The following THSD7B variants were observed in gnomAD, a reference collection of about 807,000 sequenced individuals.
The protein encoded by THSD7B is thrombospondin type 1 domain containing 7B, also known as thrombospondin type-1 domain-containing protein 7B.
Under a neutral mutation model 213.6 loss-of-function variants are expected in THSD7B, and 138 were observed. That is an observed-to-expected ratio of 0.65 (90% confidence interval 0.56 to 0.74). THSD7B has a LOEUF of 0.74. THSD7B is among the 30% of genes least tolerant of loss of function. The probability of loss-of-function intolerance (pLI) is 0.00; values close to 1 mark genes in which losing one functional copy is unlikely to be tolerated. For missense variants in THSD7B, 1,931 were observed against 1,991.5 expected, an observed-to-expected ratio of 0.97 and a Z score of 0.58; for synonymous variants, 742 against 687.0, an observed-to-expected ratio of 1.08 and a Z score of -1.25.
At chr2:137,117,278 T>C (rs1350594871) in intron 5 of THSD7B, among the ~76,000 whole-genome samples, 2 of 152,176 alleles carry the variant, frequency 1.3e-5, no homozygotes, top group African/African-American at 4.8e-5. Context: ...CCTTGACAAA[T>C]CTGGAATGAG....
chr2:136,773,162 C>T (rs1441486605), intron 1 of THSD7B, among the ~76,000 whole-genome samples: 1 of 151,918 alleles, frequency 6.6e-6, no homozygotes, highest in African/African-American at 2.4e-5. Flanking sequence ...TGTCAGGGTG[C>T]TTTGCAAAGA....
At chr2:137,557,791 A>C (rs1681011166) in intron 15 of THSD7B, among the ~76,000 whole-genome samples, 1 of 152,184 alleles carries the variant, frequency 6.6e-6, no homozygotes, top group African/African-American at 2.4e-5. Flanking sequence ...TTTTTTGAAA[A>C]GATCAACAAA....
chr2:137,007,996 AG>A (rs944444190), intron 2 of THSD7B, among the ~76,000 whole-genome samples: 1 of 152,174 alleles, frequency 6.6e-6, no homozygotes, highest in Non-Finnish European at 1.5e-5. Context: ...TAGTTAGTTG[AG>A]GGGGTCAGCT....
intron 10 of THSD7B, among the ~76,000 whole-genome samples, chr2:137,246,276 G>A (rs1282305562): frequency 6.6e-6 from 1 of 152,164 alleles, no homozygotes; most frequent in African/African-American, 2.4e-5. Flanking sequence ...TTGAGAAGCG[G>A]TTATGTCTGT....
At chr2:137,307,068 A>T (rs1415643879) in intron 12 of THSD7B, among the ~76,000 whole-genome samples, 4 of 152,132 alleles carry the variant, frequency 2.6e-5, no homozygotes. Flanking sequence ...GGGTTCATTT[A>T]TATTTGCAGC....
Position 137,486,029 on chromosome 2 carries a change from C to T in THSD7B, c.3138+35006C>T, listed in dbSNP as rs571735271. On this transcript the variant is annotated intron_variant, in intron 15 of 27. Transcript: ENST00000409968. ...ATGGAAAGGAACAACCGGTACCAGCCGCTGCAAAATCATGCCAAATTGTAA... is the reference window on the plus strand; with the variant it reads ...ATGGAAAGGAACAACCGGTACCAGCTGCTGCAAAATCATGCCAAATTGTAA... 9.2e-5 allele frequency among the ~76,000 whole-genome samples: 14 copies of T among 152,234 alleles called. No homozygotes were observed. In the South Asian group the frequency reaches 1.9e-3, roughly 20 times the overall value.
At chr2:137,015,866 C>T (rs1686330021) in intron 2 of THSD7B, among the ~76,000 whole-genome samples, 1 of 152,130 alleles carries the variant, frequency 6.6e-6, no homozygotes, top group Non-Finnish European at 1.5e-5. Flanking sequence ...GAACCGGTGG[C>T]ACACAGAGCT....
intron 15 of THSD7B, among the ~76,000 whole-genome samples, chr2:137,511,059 G>A (rs915617500): frequency 1.3e-5 from 2 of 152,056 alleles, no homozygotes; most frequent in African/African-American, 4.8e-5. Flanking sequence ...TATGAGAGTT[G>A]GAATGCTTAA....
chr2:136,767,456 A>AGTGTGTGT (rs6146926), intron 1 of THSD7B, among the ~76,000 whole-genome samples: 3,564 of 146,674 alleles, frequency 0.024, 98 homozygotes, highest in African/African-American at 0.069. Context: ...ATCCCTGGGA[A>AGTGTGTGT]GTGTGTGTGT....
intron 15 of THSD7B, among the ~76,000 whole-genome samples, chr2:137,489,482 C>T (rs1371643144): frequency 2.6e-5 from 4 of 151,108 alleles, no homozygotes; most frequent in East Asian, 1.9e-4. Flanking sequence ...CAAGTAGAAT[C>T]GAGTTAATTA....
chr2:137,296,353 G>A (rs866579806), intron 12 of THSD7B, among the ~76,000 whole-genome samples: 4 of 151,972 alleles, frequency 2.6e-5, no homozygotes, highest in Non-Finnish European at 4.4e-5. Context: ...TACCTTTTTA[G>A]TTACAGTGAC....
intron 12 of THSD7B, among the ~76,000 whole-genome samples, chr2:137,371,670 T>C (rs1685537266): frequency 6.6e-6 from 1 of 152,174 alleles, no homozygotes; most frequent in African/African-American, 2.4e-5. Context: ...GATATATTTT[T>C]CTAATTTTTT....
intron 5 of THSD7B, among the ~76,000 whole-genome samples, chr2:137,150,577 G>A (rs1054440288): frequency 3.9e-5 from 6 of 152,114 alleles, no homozygotes; most frequent in African/African-American, 1.4e-4. Context: ...ATGATTGCAA[G>A]TTTCCTGAGG....
chr2:136,896,293 T>C (rs926204688), intron 2 of THSD7B, among the ~76,000 whole-genome samples: 8 of 152,208 alleles, frequency 5.3e-5, no homozygotes, highest in African/African-American at 9.6e-5. Context: ...TAGTTCCTCA[T>C]TGTGGTTTTA....
chr2:137,270,803 T>C (rs1682715865), intron 10 of THSD7B, among the ~76,000 whole-genome samples: 1 of 152,076 alleles, frequency 6.6e-6, no homozygotes, highest in South Asian at 2.1e-4. Context: ...TTATAAAAGA[T>C]TGAAAGATGG....
chr2:137,074,283 T>C lies in THSD7B; in HGVS notation c.950+17053T>C, dbSNP rs1400352904. 1.8e-4 allele frequency among the ~76,000 whole-genome samples: 27 copies of C among 152,262 alleles called. No homozygotes were observed. In the East Asian group the frequency reaches 4.6e-3, roughly 26 times the overall value. On this transcript the variant is annotated intron_variant, in intron 3 of 27. Coordinates refer to ENST00000409968, the MANE Select transcript of THSD7B (RefSeq NM_001316349.2). ...TCTGGGTGCTCCTGTATTGGGTGCATATATATTTAGGATAGTTAGCTCTTC... is the reference window on the plus strand; with the variant it reads ...TCTGGGTGCTCCTGTATTGGGTGCACATATATTTAGGATAGTTAGCTCTTC...
At chr2:137,017,819 CA>C (rs111982424) in intron 2 of THSD7B, among the ~76,000 whole-genome samples, 20 of 150,162 alleles carry the variant, frequency 1.3e-4, no homozygotes, top group African/African-American at 4.1e-4. Flanking sequence ...AAGATCACAT[CA>C]AAAAAAAATA....
intron 7 of THSD7B, among the ~76,000 whole-genome samples, chr2:137,182,554 G>A (rs1279396559): frequency 6.6e-6 from 1 of 152,046 alleles, no homozygotes; most frequent in Non-Finnish European, 1.5e-5. Flanking sequence ...TGAGATTTAG[G>A]GTCATTACCT....
chr2:137,137,524 A>C (rs949893090), intron 5 of THSD7B, among the ~76,000 whole-genome samples: 3 of 152,106 alleles, frequency 2.0e-5, no homozygotes, highest in Non-Finnish European at 4.4e-5. Flanking sequence ...AGTACTTACT[A>C]TTGTTTTAAA....
Sources: gnomAD v4.1 joint callset for allele counts (sites outside exome capture counted in the v4.1 genomes callset) on GRCh38, gnomAD v4.1.1 for gene constraint, MANE v1.5 for transcripts, NCBI Gene and HGNC (gene_info 2026-07-23, HGNC 2026-07-21) for gene names.